Variants in KCNQ3 observed in about 807,000 individuals in gnomAD.
KCNQ3 encodes the protein potassium voltage-gated channel subfamily KQT member 3.
A neutral mutation model predicts 92.5 loss-of-function variants in KCNQ3; 30 were observed. The ratio of observed to expected loss-of-function variants is 0.32; its 90% CI spans 0.24 to 0.44. KCNQ3 has a LOEUF of 0.44. KCNQ3 is among the 20% of genes least tolerant of loss of function. The probability of loss-of-function intolerance (pLI) is 1.00; values close to 1 mark genes in which losing one functional copy is unlikely to be tolerated. For synonymous variants in KCNQ3, 450 were observed against 468.8 expected (o/e 0.96, Z 0.52); for missense variants, 913 against 1,140.3 (o/e 0.80, Z 2.87).
At position 132,259,737 on chromosome 8, in the gene KCNQ3, T is replaced by G. The variant is rs962491492; in HGVS notation, c.387-73556A>C. Among the ~76,000 whole-genome samples the G allele has an allele frequency of 2.0e-5, 3 of 152,140 alleles. No homozygotes were observed. The South Asian group carries it at 6.2e-4, about 31-fold the overall frequency. ...ATTTCTGTTTGCAACTGACATGATC[T>G]TTTATACAAATAATCTCAAGGAAGT... On this transcript the variant is annotated intron_variant, in intron 1 of 14. Transcript: ENST00000388996.
rs371947606 is a variant in KCNQ3, at chr8:132,211,338, G to A, written c.387-25157C>T. Among the ~76,000 whole-genome samples the A allele has an allele frequency of 1.3e-4, 20 of 152,262 alleles. No homozygotes were observed. The East Asian group carries it at 3.3e-3, about 25-fold the overall frequency. On this transcript the variant is annotated intron_variant, in intron 1 of 14. Transcript: ENST00000388996. ...CTGACTCAAGTTTTGTATTGTCTTT[G>A]AGCTATTTTACAACTCTGTAAATTA...
At chr8:132,271,460 G>A (rs1425234654) in intron 1 of KCNQ3, among the ~76,000 whole-genome samples, 1 of 151,910 alleles carries the variant, frequency 6.6e-6, no homozygotes, top group East Asian at 1.9e-4. Flanking sequence ...CTTGAACTCT[G>A]CAACCCAGCT....
intron 1 of KCNQ3, among the ~76,000 whole-genome samples, chr8:132,448,699 T>C (rs1186834076): frequency 6.6e-6 from 1 of 152,182 alleles, no homozygotes; most frequent in Non-Finnish European, 1.5e-5. Flanking sequence ...CAACCCACGA[T>C]CTGTGCCATT....
At chr8:132,442,763 T>C (rs1821571226) in intron 1 of KCNQ3, among the ~76,000 whole-genome samples, 1 of 152,202 alleles carries the variant, frequency 6.6e-6, no homozygotes, top group Non-Finnish European at 1.5e-5. Flanking sequence ...CCCACAGTGC[T>C]CAAAGCATTT....
intron 1 of KCNQ3, among the ~76,000 whole-genome samples, chr8:132,287,304 G>T (rs1466217396): frequency 1.3e-5 from 2 of 152,182 alleles, no homozygotes; most frequent in Non-Finnish European, 2.9e-5. Flanking sequence ...AAAGGGTTGG[G>T]TATAAAACCA....
intron 1 of KCNQ3, among the ~76,000 whole-genome samples, chr8:132,379,962 GTAT>G (rs1281599830): frequency 2.0e-5 from 3 of 150,984 alleles, no homozygotes; most frequent in African/African-American, 7.3e-5. Context: ...AAATCCTGGG[GTAT>G]TATTATTAGT....
intron 1 of KCNQ3, among the ~76,000 whole-genome samples, chr8:132,302,392 C>T (rs944312701): frequency 3.9e-5 from 6 of 152,212 alleles, no homozygotes; most frequent in Admixed American, 1.3e-4. Flanking sequence ...CTACTGCCAT[C>T]GAACAGTCAG....
intron 12 of KCNQ3, among the ~76,000 whole-genome samples, chr8:132,136,336 A>C (rs1489228216): frequency 6.6e-6 from 1 of 152,104 alleles, no homozygotes; most frequent in Non-Finnish European, 1.5e-5. Flanking sequence ...CAGAGAGTGA[A>C]CTGCAATAGG....
At chr8:132,130,089 T>G in intron 14 of KCNQ3, 93 bp from the exon 15 acceptor site, 1 of 1,405,288 alleles carries the variant, frequency 7.1e-7, no homozygotes, top group East Asian at 2.3e-5. Context: ...TTTTTGTTTT[T>G]TTTTTTTTTT....
At chr8:132,163,594 G>T in intron 8 of KCNQ3, 100 bp from the exon 9 acceptor site, 2 of 999,780 alleles carry the variant, frequency 2.0e-6, no homozygotes, top group South Asian at 1.3e-5. Context: ...GAAGATGATG[G>T]AGCAGAGTTG....
chr8:132,297,111 G>A (rs1292612671), intron 1 of KCNQ3, among the ~76,000 whole-genome samples: 1 of 152,142 alleles, frequency 6.6e-6, no homozygotes, highest in Non-Finnish European at 1.5e-5. Context: ...ATCTCATTGT[G>A]GTTTTGATTT....
At chr8:132,271,615 T>C (rs1011640713) in intron 1 of KCNQ3, among the ~76,000 whole-genome samples, 1 of 152,130 alleles carries the variant, frequency 6.6e-6, no homozygotes, top group Non-Finnish European at 1.5e-5. Flanking sequence ...TTTGTGGCCT[T>C]ATCAAATCTA....
chr8:132,164,622 A>C (rs1737486841), intron 8 of KCNQ3, among the ~76,000 whole-genome samples: 1 of 152,184 alleles, frequency 6.6e-6, no homozygotes, highest in East Asian at 1.9e-4. Flanking sequence ...ATCACAAAGC[A>C]GGTGGACACA....
At position 132,303,600 on chromosome 8, in the gene KCNQ3, T is replaced by TATATATATA. The variant is rs1817301410; in HGVS notation, c.387-117420_387-117419insTATATATAT. On this transcript the variant is annotated intron_variant, in intron 1 of 14. Coordinates refer to ENST00000388996, the MANE Select transcript of KCNQ3 (RefSeq NM_004519.4). Reference sequence around the variant, plus strand: ...TATATGGTGTGTGTGTATATATATATGGTGTGTATATATATATATATATAT... The same window carrying TATATATATA: ...TATATGGTGTGTGTGTATATATATATATATATATAGGTGTGTATATATATATATATATAT... 1.2e-4 allele frequency among the ~76,000 whole-genome samples: 3 copies of TATATATATA among 24,302 alleles called. 1 individual carries two copies. Among genetic ancestry groups the TATATATATA allele is most frequent in the African/African-American group, 6.0e-4 (3 of 4,966 alleles). The allele number at this position is 24,302 out of a possible 152,430, so 15.9% of individuals were successfully genotyped here.
intron 1 of KCNQ3, among the ~76,000 whole-genome samples, chr8:132,276,411 C>CTCTG (rs1470587994): frequency 6.6e-6 from 1 of 152,082 alleles, no homozygotes; most frequent in Non-Finnish European, 1.5e-5. Flanking sequence ...CCAGGGCAGG[C>CTCTG]TCTGTTCCTA....
chr8:132,126,971 G>A lies in KCNQ3; in HGVS notation c.*2291C>T, dbSNP rs1824690539. 1 of 152,126 alleles carries A rather than the reference G, an allele frequency of 6.6e-6. No homozygotes were observed. The highest frequency in any genetic ancestry group is 6.5e-5 in the Admixed American group (1 of 15,270). 9.4% of individuals were successfully genotyped at this position (152,126 alleles called of 1,614,324 possible). ...TATGACTCACTCTCCTTTATTGTTG[G>A]TTTCCAGTAACTCATGTACATAAAG... On this transcript the variant is annotated 3_prime_UTR_variant, in exon 15 of 15. Coordinates refer to ENST00000388996, the MANE Select transcript of KCNQ3 (RefSeq NM_004519.4).
intron 1 of KCNQ3, among the ~76,000 whole-genome samples, chr8:132,394,697 A>G (rs1820147039): frequency 6.6e-6 from 1 of 152,116 alleles, no homozygotes; most frequent in Admixed American, 6.5e-5. Flanking sequence ...TGATGGGAGA[A>G]GTTCAAGGAC....
intron 9 of KCNQ3, 97 bp from the exon 10 acceptor site, chr8:132,141,428 A>C: frequency 9.5e-7 from 1 of 1,053,616 alleles, no homozygotes; most frequent in Non-Finnish European, 1.4e-6. Context: ...TCCTCCAAGG[A>C]GAAATGGGGA....
chr8:132,205,251 A>G (rs533494929), intron 1 of KCNQ3, among the ~76,000 whole-genome samples: 1 of 152,378 alleles, frequency 6.6e-6, no homozygotes, highest in South Asian at 2.1e-4. Flanking sequence ...ACTTCTCTTC[A>G]TTGTAGGAAT....
Sources: gnomAD v4.1 joint callset for allele counts (sites outside exome capture counted in the v4.1 genomes callset) on GRCh38, gnomAD v4.1.1 for gene constraint, MANE v1.5 for transcripts, NCBI Gene and HGNC (gene_info 2026-07-23, HGNC 2026-07-21) for gene names.